Variants in NXPE2 observed in about 807,000 individuals in gnomAD.
NXPE2 encodes neurexophilin and PC-esterase domain family member 2.
Under a neutral mutation model 34.4 loss-of-function variants are expected in NXPE2, and 34 were observed. The observed-to-expected ratio is 0.99, with a 90% confidence interval of 0.75 to 1.31. NXPE2 has a LOEUF of 1.31. Ranked by LOEUF, NXPE2 falls within the 40% of genes most tolerant of loss-of-function variation. The pLI is 0.00. For missense variants in NXPE2, 649 were observed against 672.5 expected (o/e 0.97, Z 0.39); for synonymous variants, 235 against 231.3 (o/e 1.02, Z -0.15).
At chr11:114,465,206 T>C in the NXPE2 span, among the ~76,000 whole-genome samples, 1 of 152,148 alleles carries the variant, frequency 6.6e-6, no homozygotes, top group Admixed American at 6.5e-5. Flanking sequence ...ATCTTACACA[T>C]ATGCACAAGA....
At chr11:114,786,987 T>C in the NXPE2 span, among the ~76,000 whole-genome samples, 1 of 152,102 alleles carries the variant, frequency 6.6e-6, no homozygotes. Context: ...GTGGTGCATA[T>C]TGCCTGAGAG....
chr11:114,623,270 C>T, the NXPE2 span, among the ~76,000 whole-genome samples: 9 of 152,066 alleles, frequency 5.9e-5, no homozygotes, highest in East Asian at 1.9e-4. Context: ...CATATTGCCT[C>T]GTGGGTGACA....
chr11:114,551,230 G>A, the NXPE2 span: 15 of 1,454,018 alleles, frequency 1.0e-5, no homozygotes, highest in Middle Eastern at 1.7e-4. Context: ...GATGACACAA[G>A]AGAGGAGTCG....
the NXPE2 span, among the ~76,000 whole-genome samples, chr11:114,618,774 T>TA: frequency 2.0e-5 from 3 of 152,044 alleles, no homozygotes; most frequent in African/African-American, 7.2e-5. Context: ...ATCTGGTGGA[T>TA]AAAAAGTGTT....
the NXPE2 span, among the ~76,000 whole-genome samples, chr11:114,670,423 A>T: frequency 3.9e-5 from 6 of 152,034 alleles, no homozygotes; most frequent in Non-Finnish European, 8.8e-5. Context: ...GGCCAAGCGC[A>T]GTGGCTCACC....
the NXPE2 span, among the ~76,000 whole-genome samples, chr11:114,641,258 T>C: frequency 6.6e-6 from 1 of 151,820 alleles, no homozygotes; most frequent in Non-Finnish European, 1.5e-5. Flanking sequence ...AAAGAAATAA[T>C]AATATCACTA....
chr11:114,506,234 A>G, the NXPE2 span, among the ~76,000 whole-genome samples: 7 of 152,194 alleles, frequency 4.6e-5, no homozygotes, highest in African/African-American at 1.7e-4. Context: ...TCATAAAGCA[A>G]GTTTTTAGAG....
At chr11:114,568,840 G>A in the NXPE2 span, among the ~76,000 whole-genome samples, 6 of 152,052 alleles carry the variant, frequency 3.9e-5, no homozygotes, top group African/African-American at 1.4e-4. Context: ...ATGAACTGTG[G>A]AATAATTTTA....
the NXPE2 span, among the ~76,000 whole-genome samples, chr11:114,501,786 G>C: frequency 6.6e-6 from 1 of 152,112 alleles, no homozygotes; most frequent in South Asian, 2.1e-4. Flanking sequence ...GTATCTCAAC[G>C]TATCAGTGAG....
At chr11:114,787,118 C>T in the NXPE2 span, among the ~76,000 whole-genome samples, 4 of 152,106 alleles carry the variant, frequency 2.6e-5, no homozygotes, top group Admixed American at 6.5e-5. Flanking sequence ...CACACTTTCC[C>T]GGAGCTCCCT....
At chr11:114,810,878 C>T in the NXPE2 span, among the ~76,000 whole-genome samples, 1 of 152,110 alleles carries the variant, frequency 6.6e-6, no homozygotes, top group African/African-American at 2.4e-5. Context: ...GCTATAAAGA[C>T]ACATGCACAC....
At chr11:114,524,522 A>T in the NXPE2 span, among the ~76,000 whole-genome samples, 1 of 152,188 alleles carries the variant, frequency 6.6e-6, no homozygotes, top group Non-Finnish European at 1.5e-5. Context: ...TTGGCTTACT[A>T]AAGGGAGTTT....
At chr11:114,487,891 T>C in the NXPE2 span, among the ~76,000 whole-genome samples, 3 of 152,168 alleles carry the variant, frequency 2.0e-5, no homozygotes, top group Admixed American at 1.3e-4. Flanking sequence ...TAATGTGTTG[T>C]TGAATTCAGT....
the NXPE2 span, among the ~76,000 whole-genome samples, chr11:114,812,787 G>T: frequency 6.6e-6 from 1 of 152,150 alleles, no homozygotes; most frequent in Non-Finnish European, 1.5e-5. Context: ...TGGAGTGAGG[G>T]TGAAGGTGGG....
the NXPE2 span, among the ~76,000 whole-genome samples, chr11:114,468,892 C>T: frequency 2.0e-4 from 31 of 151,902 alleles, no homozygotes; most frequent in Admixed American, 1.7e-3. Context: ...TATGCATGTT[C>T]GAAAAATGCA....
chr11:114,788,638 G>C, the NXPE2 span, among the ~76,000 whole-genome samples: 1 of 152,166 alleles, frequency 6.6e-6, no homozygotes, highest in Non-Finnish European at 1.5e-5. Context: ...GCTGCCTCTC[G>C]TGTCCCTCTG....
At chr11:114,613,969 A>G in the NXPE2 span, among the ~76,000 whole-genome samples, 3 of 151,426 alleles carry the variant, frequency 2.0e-5, no homozygotes, top group Non-Finnish European at 4.4e-5. Flanking sequence ...ACCGGTGGAT[A>G]ATAAGTATTG....
At chr11:114,742,022 ACATGCC>A in the NXPE2 span, among the ~76,000 whole-genome samples, 1 of 151,988 alleles carries the variant, frequency 6.6e-6, no homozygotes, top group East Asian at 1.9e-4. Flanking sequence ...TTTTCTGTGG[ACATGCC>A]CACTTCATAC....
At chr11:114,790,427 T>A in the NXPE2 span, among the ~76,000 whole-genome samples, 1 of 152,198 alleles carries the variant, frequency 6.6e-6, no homozygotes, top group East Asian at 1.9e-4. Flanking sequence ...TTCATCCCCA[T>A]TTTATAGAAG....
Sources: allele counts gnomAD v4.1 joint callset (sites outside exome capture counted in the v4.1 genomes callset), GRCh38; gene constraint gnomAD v4.1.1; transcripts MANE v1.5; gene names NCBI Gene and HGNC (gene_info 2026-07-23, HGNC 2026-07-21).